CLMN: variants seen among roughly 807,000 people sequenced by gnomAD.
The protein encoded by CLMN is calmin.
In CLMN, 57 loss-of-function variants were observed where a neutral mutation model predicts 92.7. The observed-to-expected ratio is 0.61, with a 90% CI of 0.50 to 0.77. CLMN has a LOEUF of 0.77. CLMN is among the 30% of genes least tolerant of loss of function. The pLI is 0.00. For synonymous variants in CLMN, 466 were observed against 470.6 expected, an observed-to-expected ratio of 0.99 and a Z score of 0.13; for missense variants, 1,158 against 1,237.5, an observed-to-expected ratio of 0.94 and a Z score of 0.96.
chr14:95,214,344 C>CTTTTT (rs140176893), intron 5 of CLMN, among the ~76,000 whole-genome samples: 2 of 109,332 alleles, frequency 1.8e-5, no homozygotes, highest in East Asian at 2.8e-4. Context: ...GCTGCTGCTG[C>CTTTTT]TTTTTTTTTT....
chr14:95,193,932 T>C lies in CLMN; in HGVS notation c.2770-13A>G. The C allele has an allele frequency of 6.2e-7, 1 of 1,612,220 alleles. No homozygotes were observed. The highest frequency in any genetic ancestry group is 8.5e-7 in the Non-Finnish European group (1 of 1,179,520). ...AGCTAAAATGATCCTACAGTGAAAT[T>C]TATAAACAAAAGCCCCCGCAACCCA... On this transcript the variant is annotated splice_polypyrimidine_tract_variant and intron_variant, in intron 11 of 12. Transcript: ENST00000298912.
chr14:95,262,942 G>A (rs143977850), intron 1 of CLMN, among the ~76,000 whole-genome samples: 41 of 152,244 alleles, frequency 2.7e-4, no homozygotes, highest in African/African-American at 9.4e-4. Context: ...TGTTCTTCTG[G>A]GAGGTAGGAG....
intron 12 of CLMN, chr14:95,193,161 CATA>C: frequency 3.6e-6 from 2 of 557,048 alleles, no homozygotes. Flanking sequence ...AAAATAAAAA[CATA>C]ATAAAGCAAC....
intron 1 of CLMN, among the ~76,000 whole-genome samples, chr14:95,276,249 ATTGGGC>A (rs1171332430): frequency 6.6e-6 from 1 of 152,202 alleles, no homozygotes; most frequent in African/African-American, 2.4e-5. Flanking sequence ...AAAGGATGGA[ATTGGGC>A]TGGGACTCCT....
intron 1 of CLMN, among the ~76,000 whole-genome samples, chr14:95,269,716 C>T (rs1899630226): frequency 6.6e-6 from 1 of 152,192 alleles, no homozygotes; most frequent in African/African-American, 2.4e-5. Context: ...ACCAAAGGCT[C>T]CCACTGGCCC....
chr14:95,258,169 A>G (rs545262186), intron 1 of CLMN, among the ~76,000 whole-genome samples: 2 of 151,160 alleles, frequency 1.3e-5, no homozygotes, highest in Admixed American at 6.6e-5. Context: ...TGTTGTGTAT[A>G]TGTGGGGTGT....
intron 1 of CLMN, among the ~76,000 whole-genome samples, chr14:95,287,570 C>G (rs1490511466): frequency 1.3e-5 from 2 of 152,168 alleles, no homozygotes; most frequent in Non-Finnish European, 2.9e-5. Flanking sequence ...GCCCCACATC[C>G]AGAGTTCCTG....
chr14:95,193,281 T>C (rs1435834056), intron 12 of CLMN: 2 of 1,389,616 alleles, frequency 1.4e-6, no homozygotes, highest in Non-Finnish European at 2.0e-6. Context: ...TTCAGCAACA[T>C]TAGGCCAGGC....
At chr14:95,315,157 G>A (rs2140804615) in intron 1 of CLMN, among the ~76,000 whole-genome samples, 1 of 152,268 alleles carries the variant, frequency 6.6e-6, no homozygotes, top group Non-Finnish European at 1.5e-5. Context: ...GGCTGTGGGG[G>A]CAGGAATTGT....
In CLMN at chr14:95,191,948, C is replaced by G. The variant is rs1896573594; in HGVS notation, c.2841-216G>C. 1 of 457,530 alleles carries G rather than the reference C, an allele frequency of 2.2e-6. No homozygotes were observed. The highest frequency in any genetic ancestry group is 5.6e-4 in the Middle Eastern group (1 of 1,778). The allele number at this position is 457,530 out of a possible 1,614,324, so 28.3% of individuals were successfully genotyped here. On this transcript the variant is annotated intron_variant, in intron 12 of 12. Coordinates refer to ENST00000298912, the MANE Select transcript of CLMN (RefSeq NM_024734.4). This position sits in a 1 kb window ranked among gnomAD's most constrained non-coding sequence, Gnocchi z 5.3. ...GCCCCTCGAGCTTTTGCACGTACTC[C>G]GTTCATCTCCATAACATCAGGTGAG...
chr14:95,238,683 G>A (rs1898140640), intron 1 of CLMN, among the ~76,000 whole-genome samples: 1 of 152,142 alleles, frequency 6.6e-6, no homozygotes, highest in Admixed American at 6.5e-5. Flanking sequence ...GGCACAGACG[G>A]GCATCAGGGC....
chr14:95,217,829 A>G (rs932493857), intron 4 of CLMN, among the ~76,000 whole-genome samples: 1 of 152,224 alleles, frequency 6.6e-6, no homozygotes, highest in Non-Finnish European at 1.5e-5. Context: ...CGTAAACACC[A>G]TGGTGCACCA....
chr14:95,284,138 G>A (rs532328756), intron 1 of CLMN, among the ~76,000 whole-genome samples: 1 of 152,308 alleles, frequency 6.6e-6, no homozygotes, highest in Non-Finnish European at 1.5e-5. Flanking sequence ...TACAGCTCAG[G>A]CTGTGGCTTC....
At chr14:95,233,469 A>G (rs1897954972) in intron 1 of CLMN, among the ~76,000 whole-genome samples, 1 of 152,060 alleles carries the variant, frequency 6.6e-6, no homozygotes, top group Admixed American at 6.5e-5. Flanking sequence ...CCATCCAATC[A>G]TCTGTTCATC....
intron 1 of CLMN, among the ~76,000 whole-genome samples, chr14:95,271,716 AT>A (rs1899717800): frequency 1.3e-5 from 2 of 152,178 alleles, no homozygotes; most frequent in African/African-American, 4.8e-5. Flanking sequence ...TGCTCAATGA[AT>A]TTTAGCCTGT....
intron 1 of CLMN, among the ~76,000 whole-genome samples, chr14:95,315,231 A>T (rs569090371): frequency 1.3e-5 from 2 of 152,310 alleles, no homozygotes; most frequent in East Asian, 3.9e-4. Flanking sequence ...GACCTCGCAC[A>T]ACAGGTCAAG....
intron 7 of CLMN, 27 bp from the exon 8 acceptor site, chr14:95,209,504 A>C (rs1203033246): frequency 1.3e-6 from 2 of 1,568,060 alleles, no homozygotes; most frequent in Non-Finnish European, 1.8e-6. Context: ...AGGAATTAGC[A>C]GGAGATACAA....
chr14:95,314,577 G>A (rs1279944711), intron 1 of CLMN, among the ~76,000 whole-genome samples: 1 of 152,208 alleles, frequency 6.6e-6, no homozygotes, highest in African/African-American at 2.4e-5. Flanking sequence ...CCACAAGGGA[G>A]AGAGATTTTT....
At chr14:95,288,564 T>A (rs1900433931) in intron 1 of CLMN, among the ~76,000 whole-genome samples, 1 of 152,144 alleles carries the variant, frequency 6.6e-6, no homozygotes, top group Non-Finnish European at 1.5e-5. Context: ...CTTAAACACC[T>A]CACAAAACAC....
Sources: gnomAD v4.1 joint callset for allele counts (sites outside exome capture counted in the v4.1 genomes callset) on GRCh38, gnomAD v4.1.1 for gene constraint, Gnocchi (gnomAD v3.1) non-coding constraint, MANE v1.5 for transcripts, NCBI Gene and HGNC (gene_info 2026-07-23, HGNC 2026-07-21) for gene names.